The following IRAG2 variants were observed in gnomAD, a reference collection of about 807,000 sequenced individuals.
IRAG2 encodes the protein lymphoid restricted membrane protein.
Under a neutral mutation model 69.9 loss-of-function variants are expected in IRAG2, and 45 were observed. That is an observed-to-expected ratio of 0.64 (90% CI 0.51 to 0.83). IRAG2 has a LOEUF of 0.83. IRAG2 is among the 40% of genes least tolerant of loss of function. The pLI is 0.00. For missense variants in IRAG2, 520 were observed against 587.0 expected, an observed-to-expected ratio of 0.89 and a Z score of 1.18; for synonymous variants, 193 against 202.4, an observed-to-expected ratio of 0.95 and a Z score of 0.40.
chr12:25,078,842 A>G (rs1452300010), intron 6 of IRAG2, among the ~76,000 whole-genome samples: 3 of 152,246 alleles, frequency 2.0e-5, no homozygotes, highest in African/African-American at 7.2e-5. Flanking sequence ...CAATTTTAAA[A>G]TTACCAGGTC....
At chr12:25,040,224 A>G (rs7135717) in intron 16 of IRAG2, among the ~76,000 whole-genome samples, 65,827 of 152,150 alleles carry the variant, frequency 0.43, 14,383 homozygotes, top group South Asian at 0.51. Context: ...TGAATAAGTA[A>G]ATAGCTGGGT....
At chr12:25,077,290 T>TATGAAATATATATATG (rs1946815033) in intron 6 of IRAG2, among the ~76,000 whole-genome samples, 1 of 77,970 alleles carries the variant, frequency 1.3e-5, no homozygotes, top group South Asian at 3.8e-4. Context: ...ATATATGATA[T>TATGAAATATATATATG]ATATATGAAA....
intron 8 of IRAG2, chr12:25,023,967 A>G (rs1944603154): frequency 3.8e-6 from 4 of 1,053,596 alleles, no homozygotes; most frequent in African/African-American, 3.3e-5. Flanking sequence ...CATGCAAATC[A>G]TATCATCGTG....
intron 3 of IRAG2, chr12:25,011,670 T>A (rs1944475673): frequency 1.5e-6 from 1 of 649,784 alleles, no homozygotes; most frequent in Admixed American, 4.4e-5. Flanking sequence ...TTAGCATGCA[T>A]TAGAATCACC....
chr12:25,101,815 T>A, intron 16 of IRAG2: 1 of 421,990 alleles, frequency 2.4e-6, no homozygotes, highest in African/African-American at 2.0e-5. Context: ...AATAGTTTTA[T>A]TTAAAATAAA....
intron 6 of IRAG2, among the ~76,000 whole-genome samples, chr12:25,074,357 T>C (rs1422449824): frequency 1.3e-5 from 2 of 152,146 alleles, no homozygotes; most frequent in Non-Finnish European, 2.9e-5. Context: ...TTTCCCAACA[T>C]TTCCAGTGAG....
At chr12:25,049,154 G>A (rs1944820145), upstream of IRAG2, among the ~76,000 whole-genome samples, 1 of 152,146 alleles carries the variant, frequency 6.6e-6, no homozygotes, top group Non-Finnish European at 1.5e-5. Context: ...TAGCCTTGTA[G>A]TATAGTTTAA....
At chr12:25,064,440 A>G (rs1260834215) in intron 4 of IRAG2, among the ~76,000 whole-genome samples, 1 of 152,222 alleles carries the variant, frequency 6.6e-6, no homozygotes, top group African/African-American at 2.4e-5. Flanking sequence ...TAGAAGAGAC[A>G]TTTGGAGAAG....
At chr12:25,096,437 A>G (rs1948424907) in intron 14 of IRAG2, among the ~76,000 whole-genome samples, 1 of 152,188 alleles carries the variant, frequency 6.6e-6, no homozygotes, top group South Asian at 2.1e-4. Context: ...AGGGCACAGG[A>G]TTGAGAGGAA....
chr12:25,046,426 C>T (rs1311746117), intron 16 of IRAG2, among the ~76,000 whole-genome samples: 1 of 152,026 alleles, frequency 6.6e-6, no homozygotes, highest in Non-Finnish European at 1.5e-5. Context: ...CTGCAGATAA[C>T]ATGATCTTAT....
intron 20 of IRAG2, among the ~76,000 whole-genome samples, chr12:25,106,239 A>C (rs1232998765): frequency 1.3e-5 from 2 of 151,512 alleles, no homozygotes; most frequent in African/African-American, 4.8e-5. Flanking sequence ...ATAAAATTTA[A>C]AAGGAAGAGA....
chr12:25,099,891 T>TCGGGAGACTGAGG (rs1355068425), intron 15 of IRAG2, among the ~76,000 whole-genome samples: 1 of 148,626 alleles, frequency 6.7e-6, no homozygotes. Context: ...TCCCAGCTAC[T>TCGGGAGACTGAGG]CGGGAGACTG....
At chr12:25,100,026 T>A (rs1354949798) in intron 15 of IRAG2, among the ~76,000 whole-genome samples, 3,267 of 37,020 alleles carry the variant, frequency 0.088, 5 homozygotes, top group African/African-American at 0.11. Flanking sequence ...AAAAAAAAAA[T>A]GGGCAAAAGA....
At chr12:25,066,665 C>CTTTT (rs781555051) in intron 5 of IRAG2, among the ~76,000 whole-genome samples, 153 bp downstream of exon 5, 12 of 142,078 alleles carry the variant, frequency 8.4e-5, no homozygotes, top group East Asian at 2.0e-4. Flanking sequence ...TTCTTTCTTT[C>CTTTT]TTTTTTTTTT....
At chr12:25,004,569 G>C (rs1944416644) in exon 1 of IRAG2, 2 of 1,232,058 alleles carry the variant, frequency 1.6e-6, no homozygotes, top group Non-Finnish European at 2.0e-6. Context: ...GCTCTCATTG[G>C]TCAAGTTCTG....
chr12:25,017,180 A>G, exon 6 of IRAG2: 1 of 1,232,134 alleles, frequency 8.1e-7, no homozygotes, highest in South Asian at 4.1e-5. Flanking sequence ...TCATTTCAAC[A>G]AAAGAAAACT....
rs1406561390 is a variant in IRAG2, at chr12:25,034,535, A to G, written c.1743+588A>G. Among the ~76,000 whole-genome samples, 6 of 152,360 alleles carry G rather than the reference A, an allele frequency of 3.9e-5. No individual in the cohort carries two copies. In the East Asian group the frequency reaches 1.2e-3, roughly 29 times the overall value. ...AGACCCAGTACTTTATAACATGGGA[A>G]GAAATATTTTAAAAACCTTCTCGGG... On this transcript the variant is annotated intron_variant, in intron 13 of 38. Transcript: ENST00000636465.
exon 7 of IRAG2, chr12:25,020,861 C>T: frequency 1.6e-6 from 2 of 1,231,942 alleles, no homozygotes; most frequent in South Asian, 4.1e-5. Context: ...AGTATGAATG[C>T]TTCAGAAGAG....
At chr12:25,050,444 G>A (rs542482119), upstream of IRAG2, among the ~76,000 whole-genome samples, 6 of 151,030 alleles carry the variant, frequency 4.0e-5, no homozygotes, top group Admixed American at 6.7e-5. Context: ...CAGGGGAATC[G>A]CTTCAACCCG....
Sources: allele counts gnomAD v4.1 joint callset (sites outside exome capture counted in the v4.1 genomes callset), GRCh38; gene constraint gnomAD v4.1.1; transcripts MANE v1.5; gene names NCBI Gene and HGNC (gene_info 2026-07-23, HGNC 2026-07-21).